Variants in CEP126 observed in about 807,000 individuals in gnomAD.
The protein encoded by CEP126 is centrosomal protein of 126 kDa.
CEP126 carries 74 observed loss-of-function variants against 107.8 expected under a neutral mutation model. The observed-to-expected ratio is 0.69, with a 90% confidence interval of 0.57 to 0.83. The LOEUF (loss-of-function observed/expected upper bound fraction) is 0.83, where lower values mean the gene tolerates loss of function less well. Among genes scored for constraint, CEP126 ranks in the 40% least tolerant of loss-of-function variants. CEP126 has a pLI of 0.00. For missense variants in CEP126, 1,237 were observed against 1,281.9 expected, an observed-to-expected ratio of 0.96 and a Z score of 0.53; for synonymous variants, 449 against 446.0, an observed-to-expected ratio of 1.01 and a Z score of -0.08.
At chr11:101,924,551 C>T (rs896936770) in intron 2 of CEP126, among the ~76,000 whole-genome samples, 3 of 152,044 alleles carry the variant, frequency 2.0e-5, no homozygotes, top group East Asian at 1.9e-4. Context: ...CTGCAACCTC[C>T]GCCTCCCAGA....
chr11:101,944,489 G>A, intron 3 of CEP126, 79 bp downstream of exon 3: 1 of 1,336,168 alleles, frequency 7.5e-7, no homozygotes, highest in Non-Finnish European at 1.0e-6. Flanking sequence ...AATCGTAAAT[G>A]AAGAAATGAA....
chr11:101,933,715 A>C (rs1317251764), intron 2 of CEP126, among the ~76,000 whole-genome samples: 1 of 152,044 alleles, frequency 6.6e-6, no homozygotes, highest in African/African-American at 2.4e-5. Flanking sequence ...GCACCCTGAT[A>C]GTATCCCTCT....
At chr11:101,938,146 C>T (rs1372033289) in intron 2 of CEP126, among the ~76,000 whole-genome samples, 1 of 63,602 alleles carries the variant, frequency 1.6e-5, no homozygotes, top group Non-Finnish European at 3.5e-5. Context: ...GGCGACAGAG[C>T]GAGACTCTGT....
At chr11:101,946,530 A>G (rs1488130776) in intron 3 of CEP126, among the ~76,000 whole-genome samples, 1 of 151,092 alleles carries the variant, frequency 6.6e-6, no homozygotes, top group Admixed American at 6.6e-5. Flanking sequence ...AAATAAATAG[A>G]TATAATCAGT....
chr11:101,934,221 G>A (rs1940544208), intron 2 of CEP126, among the ~76,000 whole-genome samples: 1 of 151,922 alleles, frequency 6.6e-6, no homozygotes, highest in Non-Finnish European at 1.5e-5. Context: ...TAGCAACTTG[G>A]CTCTTTTTGT....
chr11:101,951,483 C>G (rs1408453998), intron 4 of CEP126, among the ~76,000 whole-genome samples: 2 of 151,680 alleles, frequency 1.3e-5, no homozygotes, highest in African/African-American at 4.8e-5. Context: ...TGCACTCCAG[C>G]CTAGGTAACA....
intron 9 of CEP126, among the ~76,000 whole-genome samples, chr11:101,992,577 G>A (rs898639120): frequency 2.6e-5 from 4 of 152,040 alleles, no homozygotes; most frequent in Non-Finnish European, 5.9e-5. Flanking sequence ...TAAGCTTTAT[G>A]TAATTATTTC....
intron 1 of CEP126, among the ~76,000 whole-genome samples, chr11:101,920,591 G>A (rs1026081295): frequency 1.3e-5 from 2 of 151,554 alleles, no homozygotes; most frequent in Admixed American, 6.6e-5. Context: ...GTGATTACAC[G>A]GTAATTCAAT....
intron 6 of CEP126, among the ~76,000 whole-genome samples, chr11:101,966,069 G>A (rs1378952988): frequency 6.6e-6 from 1 of 152,130 alleles, no homozygotes; most frequent in African/African-American, 2.4e-5. Flanking sequence ...ATATTTTCCT[G>A]ACATTTAGTC....
At chr11:101,988,953 G>C (rs1941344577) in intron 9 of CEP126, among the ~76,000 whole-genome samples, 3 of 151,998 alleles carry the variant, frequency 2.0e-5, no homozygotes, top group Admixed American at 2.0e-4. Flanking sequence ...TGATAGAATA[G>C]ATTTTAAAAA....
rs760510994 is a variant in CEP126, at chr11:101,992,839, T to G, written c.3306T>G (p.Leu1102=). The change falls in exon 10 of 11, where the codon CTT becomes CTG. Residue 1102 remains leucine, a synonymous_variant. Transcript: ENST00000263468. ...AAAATACTTTACAAATAATACCACTTCTGGTAAGTATTTGAAGAAGCTCTT... is the reference window on the plus strand; with the variant it reads ...AAAATACTTTACAAATAATACCACTGCTGGTAAGTATTTGAAGAAGCTCTT... ...SIKNTLQIIP[L]LEKREDRTSS... The G allele has an allele frequency of 1.3e-6, 2 of 1,532,694 alleles. No individual in the cohort carries two copies. Among genetic ancestry groups the G allele is most frequent in the African/African-American group, 2.8e-5 (2 of 70,502 alleles). The allele number at this position is 1,532,694 out of a possible 1,614,324, so 94.9% of individuals were successfully genotyped here.
At chr11:101,997,568 T>C (rs1941456826) in intron 10 of CEP126, 31 bp from the exon 11 acceptor site, 2 of 1,613,904 alleles carry the variant, frequency 1.2e-6, no homozygotes, top group Admixed American at 1.7e-5. Flanking sequence ...GGCATGTGTT[T>C]GCATGCTTGT....
chr11:101,952,368 G>T (rs867381281), intron 4 of CEP126, among the ~76,000 whole-genome samples: 8 of 152,292 alleles, frequency 5.3e-5, no homozygotes, highest in South Asian at 4.1e-4. Flanking sequence ...TGGAAATATT[G>T]CCAGAATGGA....
rs574675223 is a variant in CEP126, at chr11:101,962,654, T to C, written c.1619T>C (p.Leu540Ser). The C allele has an allele frequency of 6.2e-7, 1 of 1,612,736 alleles. No homozygotes were observed. The highest frequency in any genetic ancestry group is 1.3e-5 in the African/African-American group (1 of 74,960). The change falls in exon 6 of 11, where the codon TTA becomes TCA. Residue 540 changes from leucine to serine, a missense_variant. Transcript: ENST00000263468. ...GATTCAAAAGATGAAAAACAAAAAT[T>C]AGCTGAAACATCATCCTTGTCTAAT... ...NPDSKDEKQK[L>S]AETSSLSNVT...
In CEP126 at chr11:101,964,277, T is replaced by A. The variant is rs530432981; in HGVS notation, c.2845+397T>A. ...GAGATCATGTCACTGCACTCCAGCC[T>A]GATGACAGAGCAAGACTCTGTCTGA... On this transcript the variant is annotated intron_variant, in intron 6 of 10. Transcript: ENST00000263468. Among the ~76,000 whole-genome samples, 29 of 150,296 alleles carry A rather than the reference T, an allele frequency of 1.9e-4. 1 individual carries two copies. The South Asian group carries it at 5.7e-3, about 30-fold the overall frequency.
Position 101,944,428 on chromosome 11 carries a change from A to T in CEP126, c.394+18A>T. On this transcript the variant is annotated intron_variant, in intron 3 of 10. Coordinates refer to ENST00000263468, the MANE Select transcript of CEP126 (RefSeq NM_020802.4). ...GAAAGCAGGTGCCTTAATTTCTAGA[A>T]CAGTATGAGAACATAAAGTTTTAAT... The T allele has an allele frequency of 6.3e-7, 1 of 1,599,950 alleles. No individual in the cohort carries two copies.
In CEP126 at chr11:101,989,917, G is replaced by A. The variant is rs1014278025; in HGVS notation, c.3245-2861G>A. ...AGAGCTTGCAGTGAGCCGAGATCGC[G>A]CCACTGCACTCCAGCCTGGGCGACA... On this transcript the variant is annotated intron_variant, in intron 9 of 10. Transcript: ENST00000263468. Among the ~76,000 whole-genome samples the A allele has an allele frequency of 5.9e-5, 9 of 152,110 alleles. No homozygotes were observed. The East Asian group carries it at 1.2e-3, about 20-fold the overall frequency.
At chr11:101,989,057 CATGT>C (rs1490980353) in intron 9 of CEP126, among the ~76,000 whole-genome samples, 9 of 151,886 alleles carry the variant, frequency 5.9e-5, no homozygotes, top group African/African-American at 2.2e-4. Context: ...TAAAATGAAC[CATGT>C]ATAAGACCAT....
chr11:101,986,805 A>G (rs780987047), intron 8 of CEP126, 27 bp from the exon 9 acceptor site: 5 of 1,586,010 alleles, frequency 3.2e-6, no homozygotes, highest in Non-Finnish European at 3.5e-6. Flanking sequence ...AAGGGGTTCA[A>G]AGAATAACTG....
Sources: gnomAD v4.1 joint callset for allele counts (sites outside exome capture counted in the v4.1 genomes callset) on GRCh38, gnomAD v4.1.1 for gene constraint, MANE v1.5 for transcripts, NCBI Gene and HGNC (gene_info 2026-07-23, HGNC 2026-07-21) for gene names.